The following RAB2A variants were observed in gnomAD, a reference collection of about 807,000 sequenced individuals.
The protein encoded by RAB2A is ras-related protein Rab-2A.
A neutral mutation model predicts 32.5 loss-of-function variants in RAB2A; 7 were observed. The observed-to-expected ratio is 0.22, with a 90% CI of 0.12 to 0.40. The LOEUF is 0.40. Ranked by LOEUF, RAB2A falls within the 10% of genes least tolerant of loss-of-function variation. The probability of loss-of-function intolerance (pLI) is 1.00; values close to 1 mark genes in which losing one functional copy is unlikely to be tolerated. For missense variants in RAB2A, 108 were observed against 260.7 expected, an observed-to-expected ratio of 0.41 and a Z score of 4.03; for synonymous variants, 79 against 85.2, an observed-to-expected ratio of 0.93 and a Z score of 0.40.
intron 2 of RAB2A, among the ~76,000 whole-genome samples, chr8:60,565,463 A>C (rs1290486486): frequency 1.3e-5 from 2 of 151,724 alleles, no homozygotes; most frequent in Admixed American, 6.6e-5. Context: ...GTGGAAATGA[A>C]AGTATACTTT....
chr8:60,519,849 G>GTTGT (rs1259309986), intron 1 of RAB2A, among the ~76,000 whole-genome samples: 4 of 152,106 alleles, frequency 2.6e-5, no homozygotes, highest in African/African-American at 9.7e-5. Context: ...TGTTGTTGTT[G>GTTGT]TTGTTGCCCA....
At chr8:60,544,458 T>G (rs2130819309) in intron 1 of RAB2A, among the ~76,000 whole-genome samples, 1 of 152,208 alleles carries the variant, frequency 6.6e-6, no homozygotes, top group East Asian at 1.9e-4. Context: ...ACGTTTGTAT[T>G]AAAACTTTAA....
At chr8:60,565,732 A>G (rs1586086127) in intron 2 of RAB2A, among the ~76,000 whole-genome samples, 1 of 80,282 alleles carries the variant, frequency 1.2e-5, no homozygotes, top group African/African-American at 4.6e-5. Flanking sequence ...TTTTTTTGAG[A>G]CCAAGTCTCG....
intron 2 of RAB2A, 96 bp from the exon 3 acceptor site, chr8:60,571,950 A>G: frequency 1.3e-6 from 1 of 795,924 alleles, no homozygotes; most frequent in Non-Finnish European, 2.0e-6. Context: ...ATTACCTAGC[A>G]TAGCATGTCT....
chr8:60,523,046 G>GA, intron 1 of RAB2A, among the ~76,000 whole-genome samples: 2 of 152,114 alleles, frequency 1.3e-5, no homozygotes, highest in Admixed American at 1.3e-4. Context: ...TTCTATTAAA[G>GA]CTTTTTTATT....
intron 1 of RAB2A, among the ~76,000 whole-genome samples, chr8:60,541,562 A>G (rs1807645966): frequency 6.6e-6 from 1 of 152,052 alleles, no homozygotes; most frequent in South Asian, 2.1e-4. Flanking sequence ...GGTGGCAGGC[A>G]CCTGTAATCC....
At chr8:60,606,840 C>T (rs1238359060) in intron 6 of RAB2A, among the ~76,000 whole-genome samples, 1 of 152,224 alleles carries the variant, frequency 6.6e-6, no homozygotes, top group Admixed American at 6.5e-5. Flanking sequence ...GTGGTGGGGC[C>T]GTGGCCTGAC....
chr8:60,607,764 G>A (rs933186128), intron 6 of RAB2A, among the ~76,000 whole-genome samples: 4 of 152,318 alleles, frequency 2.6e-5, no homozygotes, highest in Middle Eastern at 3.4e-3. Context: ...TAGAGAGGCT[G>A]TAGAGGAGTC....
chr8:60,562,470 C>T (rs1808039066), intron 2 of RAB2A, among the ~76,000 whole-genome samples: 1 of 152,134 alleles, frequency 6.6e-6, no homozygotes, highest in Non-Finnish European at 1.5e-5. Flanking sequence ...ATAGTCCAGC[C>T]ATGGCTTTAG....
chr8:60,517,050 C>T lies in RAB2A; in HGVS notation c.-158C>T. 1 of 645,578 alleles carries T rather than the reference C, an allele frequency of 1.5e-6. No individual in the cohort carries two copies. The highest frequency in any genetic ancestry group is 2.4e-6 in the Non-Finnish European group (1 of 411,346). 40.0% of individuals were successfully genotyped at this position (645,578 alleles called of 1,614,324 possible). A position where few individuals can be genotyped will look rare whatever the true frequency, so the allele number is the denominator to read the frequency against. On this transcript the variant is annotated 5_prime_UTR_variant, in exon 1 of 8. Coordinates refer to ENST00000262646, the MANE Select transcript of RAB2A (RefSeq NM_002865.3). Reference sequence around the variant, plus strand: ...GCTCTGCGGGTGTCAGTTCGTCCGGCTTCCTCACAGCCCCTCACTCCCGGC... The same window carrying T: ...GCTCTGCGGGTGTCAGTTCGTCCGGTTTCCTCACAGCCCCTCACTCCCGGC...
intron 3 of RAB2A, among the ~76,000 whole-genome samples, chr8:60,574,397 C>A (rs1003913176): frequency 6.7e-6 from 1 of 149,694 alleles, no homozygotes; most frequent in Admixed American, 6.6e-5. Flanking sequence ...GTAAATTTTA[C>A]TGAATGAATG....
At chr8:60,531,949 C>T (rs112785252) in intron 1 of RAB2A, among the ~76,000 whole-genome samples, 12,436 of 151,934 alleles carry the variant, frequency 0.082, 1,550 homozygotes, top group African/African-American at 0.27. Context: ...ATTACAGGCG[C>T]GCACTGCCAC....
intron 1 of RAB2A, among the ~76,000 whole-genome samples, chr8:60,541,828 T>C (rs191429282): frequency 1.1e-3 from 162 of 152,316 alleles, no homozygotes; most frequent in African/African-American, 3.8e-3. Context: ...GGTCTAGATT[T>C]GGTTTCCTGG....
Position 60,621,712 on chromosome 8 carries a change from GATTTCTAAGTAT to G in RAB2A, c.*948_*959del, listed in dbSNP as rs1375740101. The G allele has an allele frequency of 1.3e-5, 2 of 152,072 alleles. No homozygotes were observed. Among genetic ancestry groups the G allele is most frequent in the African/African-American group, 4.8e-5 (2 of 41,414 alleles). 9.4% of individuals were successfully genotyped at this position (152,072 alleles called of 1,614,324 possible). A position where few individuals can be genotyped will look rare whatever the true frequency, so the allele number is the denominator to read the frequency against. On this transcript the variant is annotated 3_prime_UTR_variant, in exon 8 of 8. Coordinates refer to ENST00000262646, the MANE Select transcript of RAB2A (RefSeq NM_002865.3). ...GTTTTCTTTTTTCTTTTATTCACAT[GATTTCTAAGTAT>G]ATTTTTCATGCAGGACAGTTTTTCA...
chr8:60,536,456 A>G (rs535544115), intron 1 of RAB2A, among the ~76,000 whole-genome samples: 1 of 152,346 alleles, frequency 6.6e-6, no homozygotes, highest in Non-Finnish European at 1.5e-5. Flanking sequence ...ATATACTATC[A>G]TGAAAAAGTT....
intron 1 of RAB2A, among the ~76,000 whole-genome samples, chr8:60,519,710 G>T (rs975995062): frequency 6.6e-6 from 1 of 152,012 alleles, no homozygotes; most frequent in Non-Finnish European, 1.5e-5. Context: ...GTTTTGTATG[G>T]CTCTGTATTT....
chr8:60,530,899 G>GC (rs1283476092), intron 1 of RAB2A, among the ~76,000 whole-genome samples: 3 of 151,744 alleles, frequency 2.0e-5, no homozygotes, highest in African/African-American at 7.3e-5. Flanking sequence ...CCTATTCCTT[G>GC]CAGGCCAGTA....
intron 3 of RAB2A, among the ~76,000 whole-genome samples, chr8:60,582,765 G>A (rs1379542304): frequency 6.6e-6 from 1 of 152,130 alleles, no homozygotes; most frequent in Non-Finnish European, 1.5e-5. Context: ...CAAATTTTTT[G>A]TGTGAAAAAT....
intron 6 of RAB2A, among the ~76,000 whole-genome samples, chr8:60,616,405 A>G (rs1046078610): frequency 3.9e-5 from 6 of 152,248 alleles, no homozygotes; most frequent in Non-Finnish European, 8.8e-5. Flanking sequence ...AAATGTGCAC[A>G]TGTGGATGCT....
Sources: allele counts gnomAD v4.1 joint callset (sites outside exome capture counted in the v4.1 genomes callset), GRCh38; gene constraint gnomAD v4.1.1; transcripts MANE v1.5; gene names NCBI Gene and HGNC (gene_info 2026-07-23, HGNC 2026-07-21).